Variants in SFMBT2 observed in about 807,000 individuals in gnomAD.
The protein encoded by SFMBT2 is Scm like with four mbt domains 2.
A neutral mutation model predicts 110.1 loss-of-function variants in SFMBT2; 38 were observed. The observed-to-expected ratio is 0.35, with a 90% CI of 0.27 to 0.45. The LOEUF is 0.45. Ranked by LOEUF, SFMBT2 falls within the 20% of genes least tolerant of loss-of-function variation. The probability of loss-of-function intolerance (pLI) is 1.00; values close to 1 mark genes in which losing one functional copy is unlikely to be tolerated. For missense variants in SFMBT2, 1,011 were observed against 1,094.9 expected (o/e 0.92, Z 1.08); for synonymous variants, 425 against 425.4 (o/e 1.00, Z 0.01).
chr10:7,219,846 T>C (rs2692805), intron 11 of SFMBT2: 103,038 of 214,448 alleles, frequency 0.48, 25,574 homozygotes, highest in East Asian at 0.86. Context: ...ATCAGGATTC[T>C]GTTCACAAAA....
At chr10:7,281,479 T>C (rs745985175) in intron 6 of SFMBT2, among the ~76,000 whole-genome samples, 2 of 152,142 alleles carry the variant, frequency 1.3e-5, no homozygotes, top group Non-Finnish European at 2.9e-5. Flanking sequence ...ATCGGCCTAG[T>C]ATTTTCTATG....
rs149903269 is a variant in SFMBT2, at chr10:7,212,321, T to C, written c.1331-6393A>G. 3.5e-4 allele frequency among the ~76,000 whole-genome samples: 53 copies of C among 152,328 alleles called. No individual in the cohort carries two copies. In the East Asian group the frequency reaches 0.01, roughly 29 times the overall value. On this transcript the variant is annotated intron_variant, in intron 11 of 20. Transcript: ENST00000397167. The stretch of plus-strand genomic sequence containing the variant: ...CTGTATCTTAAATCGCTATTTCATT[T>C]AGGAATACACATTTTATTTCTTCCT...
At position 7,161,372 on chromosome 10, in the gene SFMBT2, C is replaced by G. The variant is rs1837546518; in HGVS notation, c.*2398G>C. ...CTCGTCTCAAATACAACAGGAACAG[C>G]TGAGCTTGAAAAGGCCACAGTGAAG... On this transcript the variant is annotated 3_prime_UTR_variant, in exon 21 of 21. Coordinates refer to ENST00000397167, the MANE Select transcript of SFMBT2 (RefSeq NM_001387889.1). The G allele has an allele frequency of 6.6e-6, 1 of 152,242 alleles. No homozygotes were observed. Among genetic ancestry groups the G allele is most frequent in the South Asian group, 2.1e-4 (1 of 4,832 alleles). 9.4% of individuals were successfully genotyped at this position (152,242 alleles called of 1,614,324 possible). A position where few individuals can be genotyped will look rare whatever the true frequency, so the allele number is the denominator to read the frequency against.
At chr10:7,386,915 C>A (rs1033512735) in intron 1 of SFMBT2, among the ~76,000 whole-genome samples, 2 of 152,214 alleles carry the variant, frequency 1.3e-5, no homozygotes, top group African/African-American at 4.8e-5. Context: ...ACCTGCTCAG[C>A]ATCACAGAGC....
At chr10:7,352,152 T>C (rs1844344591) in intron 4 of SFMBT2, among the ~76,000 whole-genome samples, 1 of 151,966 alleles carries the variant, frequency 6.6e-6, no homozygotes, top group African/African-American at 2.4e-5. Flanking sequence ...TTACTAGACA[T>C]AACTCAGTTC....
chr10:7,180,872 G>C (rs901446053), intron 16 of SFMBT2, among the ~76,000 whole-genome samples: 5 of 152,146 alleles, frequency 3.3e-5, no homozygotes, highest in African/African-American at 1.2e-4. Context: ...CACAGCCGGA[G>C]TTGCAAGTAT....
chr10:7,175,752 C>T (rs1049040646), intron 17 of SFMBT2, among the ~76,000 whole-genome samples: 1 of 101,270 alleles, frequency 9.9e-6, no homozygotes, highest in Non-Finnish European at 2.6e-5. Context: ...TCTTCTTTTC[C>T]AAGGCCTACC....
chr10:7,290,163 C>T (rs1174727645), intron 4 of SFMBT2, among the ~76,000 whole-genome samples: 1 of 151,966 alleles, frequency 6.6e-6, no homozygotes, highest in Non-Finnish European at 1.5e-5. Context: ...GAGAAAAACA[C>T]TCTGCAATTT....
At chr10:7,197,517 A>C (rs1211002698) in intron 15 of SFMBT2, 31 bp downstream of exon 15, 1 of 1,599,478 alleles carries the variant, frequency 6.3e-7, no homozygotes, top group Non-Finnish European at 8.5e-7. Flanking sequence ...TCCTGTTAAA[A>C]TAAGCCAAGG....
At chr10:7,331,744 C>T (rs1446847736) in intron 4 of SFMBT2, among the ~76,000 whole-genome samples, 1 of 152,114 alleles carries the variant, frequency 6.6e-6, no homozygotes, top group Admixed American at 6.5e-5. Context: ...CGCATCACTC[C>T]TGTAATCCCA....
rs115409650 is a variant in SFMBT2, at chr10:7,251,987, T to C, written c.871-3338A>G. On this transcript the variant is annotated intron_variant, in intron 7 of 20. Transcript: ENST00000397167. ...CTACCCGCCCTCTTCATTCCCTCCA[T>C]TCCAGATTCTGTGCTTCTCTCTGTT... is the stretch of plus-strand genomic sequence containing the variant. 6.5e-3 allele frequency among the ~76,000 whole-genome samples: 985 copies of C among 152,284 alleles called. 9 individuals are homozygous for C. The highest frequency in any genetic ancestry group is 0.022 in the African/African-American group (913 of 41,566).
intron 11 of SFMBT2, among the ~76,000 whole-genome samples, chr10:7,216,324 G>A (rs1205307796): frequency 6.6e-6 from 1 of 152,112 alleles, no homozygotes; most frequent in South Asian, 2.1e-4. Context: ...AATCATGGGG[G>A]GCAGCTCCCC....
At chr10:7,180,275 C>T (rs1838205918) in intron 16 of SFMBT2, among the ~76,000 whole-genome samples, 1 of 151,136 alleles carries the variant, frequency 6.6e-6, no homozygotes, top group Non-Finnish European at 1.5e-5. Flanking sequence ...CAGGTGCCCA[C>T]CACCACGCCT....
At chr10:7,298,327 C>T (rs898350031) in intron 4 of SFMBT2, among the ~76,000 whole-genome samples, 6 of 152,192 alleles carry the variant, frequency 3.9e-5, no homozygotes, top group Non-Finnish European at 8.8e-5. Context: ...CAGACTGAGA[C>T]CTCCACCCTG....
intron 5 of SFMBT2, 166 bp from the exon 6 acceptor site, chr10:7,284,316 T>C (rs1014871120): frequency 3.1e-5 from 44 of 1,404,918 alleles, no homozygotes; most frequent in Middle Eastern, 2.6e-4. Context: ...CCCCACCCCT[T>C]CCCTTTCCTC....
intron 4 of SFMBT2, chr10:7,292,325 T>TA (rs1434701520): frequency 4.2e-6 from 1 of 238,758 alleles, no homozygotes; most frequent in Admixed American, 6.5e-5. Context: ...CTCTTACTAT[T>TA]AAGAAAAAAA....
chr10:7,292,149 T>G (rs1270932723), intron 4 of SFMBT2: 1 of 168,554 alleles, frequency 5.9e-6, no homozygotes, highest in Admixed American at 6.5e-5. Flanking sequence ...TAAATAAGAG[T>G]GCTTAATCCA....
At chr10:7,241,331 C>A in intron 9 of SFMBT2, 2 of 982,946 alleles carry the variant, frequency 2.0e-6, no homozygotes, top group Non-Finnish European at 2.4e-6. Context: ...TTCTTGAATG[C>A]TTTAATGGTT....
chr10:7,236,163 A>C (rs1840247435), intron 9 of SFMBT2, among the ~76,000 whole-genome samples: 1 of 152,064 alleles, frequency 6.6e-6, no homozygotes, highest in African/African-American at 2.4e-5. Flanking sequence ...GCAGAAGGAT[A>C]AGGTACCTAG....
Sources: allele counts gnomAD v4.1 joint callset (sites outside exome capture counted in the v4.1 genomes callset), GRCh38; gene constraint gnomAD v4.1.1; transcripts MANE v1.5; gene names NCBI Gene and HGNC (gene_info 2026-07-23, HGNC 2026-07-21).